Variants in NEDD9 observed in about 807,000 individuals in gnomAD.
NEDD9 encodes the protein neural precursor cell expressed, developmentally down-regulated 9.
Under a neutral mutation model 76.6 loss-of-function variants are expected in NEDD9, and 26 were observed. The observed-to-expected ratio is 0.34, with a 90% CI of 0.25 to 0.47. NEDD9 has a LOEUF of 0.47. NEDD9 is among the 20% of genes least tolerant of loss of function. The probability of loss-of-function intolerance (pLI) is 1.00; values close to 1 mark genes in which losing one functional copy is unlikely to be tolerated. For missense variants in NEDD9, 937 were observed against 1,058.5 expected, an observed-to-expected ratio of 0.89 and a Z score of 1.59; for synonymous variants, 392 against 414.2, an observed-to-expected ratio of 0.95 and a Z score of 0.65.
At chr6:11,193,788 A>G (rs998092077) in intron 2 of NEDD9, 96 bp from the exon 3 acceptor site, 2 of 717,924 alleles carry the variant, frequency 2.8e-6, no homozygotes, top group East Asian at 5.4e-5. Context: ...ACTCTCCCTC[A>G]TAAAAAGATA....
chr6:11,230,044 G>A (rs1383939956), intron 1 of NEDD9, among the ~76,000 whole-genome samples: 2 of 152,228 alleles, frequency 1.3e-5, no homozygotes, highest in African/African-American at 4.8e-5. Flanking sequence ...AGTGCATAGA[G>A]CAACGTAGTA....
At chr6:11,354,285 C>T (rs1357078225) in intron 1 of NEDD9, among the ~76,000 whole-genome samples, 2 of 152,192 alleles carry the variant, frequency 1.3e-5, no homozygotes, top group Non-Finnish European at 2.9e-5. Flanking sequence ...AACGTGGGGG[C>T]AACCAAAGCA....
At chr6:11,249,708 T>C (rs933314527) in intron 3 of NEDD9, among the ~76,000 whole-genome samples, 15 of 152,220 alleles carry the variant, frequency 9.9e-5, no homozygotes, top group Non-Finnish European at 1.3e-4. Flanking sequence ...CAGTAGATGC[T>C]CCATAACTGT....
intron 3 of NEDD9, among the ~76,000 whole-genome samples, chr6:11,291,224 T>G (rs1006611858): frequency 4.0e-5 from 6 of 151,298 alleles, no homozygotes; most frequent in Non-Finnish European, 5.9e-5. Context: ...CAAAATTCTG[T>G]GTATCTAGGG....
intron 3 of NEDD9, among the ~76,000 whole-genome samples, chr6:11,284,804 A>G (rs2113364668): frequency 6.7e-6 from 1 of 150,146 alleles, no homozygotes; most frequent in South Asian, 2.1e-4. Context: ...TATAATAAAT[A>G]TAATATAAAA....
At chr6:11,343,013 C>T (rs989252267) in intron 1 of NEDD9, among the ~76,000 whole-genome samples, 1 of 151,904 alleles carries the variant, frequency 6.6e-6, no homozygotes. Flanking sequence ...TTTTCTGTAG[C>T]TTGATTAGGG....
intron 2 of NEDD9, among the ~76,000 whole-genome samples, chr6:11,315,270 A>T (rs1761518051): frequency 6.6e-6 from 1 of 152,324 alleles, no homozygotes. Flanking sequence ...CACACAGTTT[A>T]TTTTGGTAGG....
rs1026054189 is a variant in NEDD9 at position 11,252,474 on chromosome 6, C to G, written c.13-38747G>C. Among the ~76,000 whole-genome samples, 3 of 152,202 alleles carry G rather than the reference C, an allele frequency of 2.0e-5. No individual in the cohort carries two copies. Among genetic ancestry groups the G allele is most frequent in the African/African-American group, 7.2e-5 (3 of 41,444 alleles). On this transcript the variant is annotated intron_variant, in intron 3 of 3. Coordinates refer to the NEDD9 transcript ENST00000397378. The surrounding 1 kb of genome is among the most constrained non-coding windows in gnomAD (Gnocchi z 4.3). ...TCTATGTTAATAGAATTCTCTATGG[C>G]TCTCCATCCTTTAAACAAATTAACA...
chr6:11,267,428 T>A (rs572591742), intron 3 of NEDD9, among the ~76,000 whole-genome samples: 3 of 152,212 alleles, frequency 2.0e-5, no homozygotes, highest in African/African-American at 7.2e-5. Flanking sequence ...AGGGATGTAG[T>A]TCCCAAGTAT....
chr6:11,205,237 GGTGCA>G (rs1758573938), intron 2 of NEDD9, among the ~76,000 whole-genome samples: 1 of 152,176 alleles, frequency 6.6e-6, no homozygotes, highest in Non-Finnish European at 1.5e-5. Context: ...AATGCTGTGA[GGTGCA>G]CCTCACGAGG....
chr6:11,265,999 T>G (rs1177664257), intron 3 of NEDD9, among the ~76,000 whole-genome samples: 2 of 144,074 alleles, frequency 1.4e-5, no homozygotes, highest in Admixed American at 1.4e-4. Context: ...TGCATGGACA[T>G]AGAGAGTAGA....
intron 5 of NEDD9, among the ~76,000 whole-genome samples, chr6:11,189,220 C>T (rs1225023390): frequency 2.0e-5 from 3 of 152,222 alleles, no homozygotes; most frequent in South Asian, 4.1e-4. Flanking sequence ...GCTGGGATTA[C>T]AGGCGTGAGC....
At chr6:11,193,360 TAGA>T (rs1758209377) in intron 3 of NEDD9, among the ~76,000 whole-genome samples, 2 of 146,444 alleles carry the variant, frequency 1.4e-5, no homozygotes, top group South Asian at 2.1e-4. Context: ...AGCAAAATTG[TAGA>T]AGAACATAAG....
At chr6:11,323,144 G>A (rs550655931) in intron 2 of NEDD9, among the ~76,000 whole-genome samples, 201 of 152,296 alleles carry the variant, frequency 1.3e-3, no homozygotes, top group African/African-American at 4.6e-3. Context: ...GTTAGCAAAG[G>A]GACGGTGAGC....
chr6:11,191,588 T>G (rs1014325064), intron 4 of NEDD9, among the ~76,000 whole-genome samples: 1 of 152,214 alleles, frequency 6.6e-6, no homozygotes, highest in African/African-American at 2.4e-5. Flanking sequence ...ATGAGCTGCA[T>G]AGGCGTCTGA....
chr6:11,185,510 G>A lies in NEDD9; in HGVS notation c.2157C>T (p.Phe719=). 1 of 1,614,216 alleles carries A rather than the reference G, an allele frequency of 6.2e-7. No homozygotes were observed. The highest frequency in any genetic ancestry group is 8.5e-7 in the Non-Finnish European group (1 of 1,180,038). The part of the protein sequence containing the change: ...CFYYDQCETH[F]ISLLNAIDAL... ...CGTCAATGGCGTTGAGAAGGGAAAT[G>A]AAATGGGTCTCACATTGGTCATAGT... is the stretch of plus-strand genomic sequence containing the variant. The change falls in exon 7 of 7, where the codon TTC becomes TTT. Residue 719 remains phenylalanine, a synonymous_variant. Coordinates refer to ENST00000379446, the MANE Select transcript of NEDD9 (RefSeq NM_006403.4).
intron 2 of NEDD9, among the ~76,000 whole-genome samples, chr6:11,330,195 A>C (rs1426769878): frequency 6.6e-6 from 1 of 152,336 alleles, no homozygotes; most frequent in East Asian, 1.9e-4. Flanking sequence ...AGATGCACTG[A>C]GATCACCTGC....
intron 1 of NEDD9, among the ~76,000 whole-genome samples, chr6:11,355,394 A>G (rs1762546572): frequency 6.6e-6 from 1 of 152,220 alleles, no homozygotes; most frequent in Non-Finnish European, 1.5e-5. Context: ...TTCTTCTTGC[A>G]GTAATATGGT....
intron 3 of NEDD9, among the ~76,000 whole-genome samples, chr6:11,280,816 G>T (rs1380704029): frequency 2.6e-5 from 4 of 152,206 alleles, no homozygotes; most frequent in Non-Finnish European, 5.9e-5. Flanking sequence ...CTTGGTGTTT[G>T]CCAAGCCCTG....
Sources: allele counts gnomAD v4.1 joint callset (sites outside exome capture counted in the v4.1 genomes callset), GRCh38; gene constraint gnomAD v4.1.1; non-coding constraint Gnocchi (gnomAD v3.1); transcripts MANE v1.5; gene names NCBI Gene and HGNC (gene_info 2026-07-23, HGNC 2026-07-21).